Variants in STARD13 observed in about 807,000 individuals in gnomAD.
STARD13 encodes stAR-related lipid transfer protein 13.
A neutral mutation model predicts 106.4 loss-of-function variants in STARD13; 62 were observed. The observed-to-expected ratio is 0.58, with a 90% CI of 0.48 to 0.72. The LOEUF (loss-of-function observed/expected upper bound fraction) is 0.72, where lower values mean the gene tolerates loss of function less well. Ranked by LOEUF, STARD13 falls within the 30% of genes least tolerant of loss-of-function variation. STARD13 has a pLI of 0.00. For missense variants in STARD13, 1,387 were observed against 1,424.0 expected (o/e 0.97, Z 0.42); for synonymous variants, 565 against 553.0 (o/e 1.02, Z -0.31).
chr13:33,577,137 A>T, the STARD13 span, among the ~76,000 whole-genome samples: 1 of 152,210 alleles, frequency 6.6e-6, no homozygotes, highest in Non-Finnish European at 1.5e-5. Context: ...GCAGAAACTT[A>T]TTCTTGATTG....
chr13:33,358,243 C>T, the STARD13 span, among the ~76,000 whole-genome samples: 15 of 152,330 alleles, frequency 9.8e-5, no homozygotes, highest in African/African-American at 1.4e-4. Context: ...ACATGCAGCC[C>T]GCCATGCCTG....
At chr13:33,499,603 C>T in the STARD13 span, among the ~76,000 whole-genome samples, 80 of 47,144 alleles carry the variant, frequency 1.7e-3, no homozygotes, top group Middle Eastern at 0.019. Context: ...TCTTCTTCTT[C>T]TTTCTTCTTC....
intron 3 of STARD13, among the ~76,000 whole-genome samples, chr13:33,154,912 G>GA (rs1175967453): frequency 6.6e-6 from 1 of 152,070 alleles, no homozygotes; most frequent in African/African-American, 2.4e-5. Flanking sequence ...CACTCACACT[G>GA]AGGCTTCTTT....
At chr13:33,634,135 C>T in the STARD13 span, among the ~76,000 whole-genome samples, 2 of 152,150 alleles carry the variant, frequency 1.3e-5, no homozygotes, top group East Asian at 1.9e-4. Flanking sequence ...CCTCATTTTT[C>T]TCTTACCTCA....
At chr13:33,459,899 A>G in the STARD13 span, among the ~76,000 whole-genome samples, 1 of 152,218 alleles carries the variant, frequency 6.6e-6, no homozygotes, top group African/African-American at 2.4e-5. Flanking sequence ...ATTGTTTCCA[A>G]AGAAAAATGT....
the STARD13 span, among the ~76,000 whole-genome samples, chr13:33,621,854 G>A: frequency 6.6e-6 from 1 of 150,886 alleles, no homozygotes; most frequent in African/African-American, 2.4e-5. Context: ...ATCCAGGCTG[G>A]AGTGCAGGGG....
At chr13:33,458,663 T>C in the STARD13 span, among the ~76,000 whole-genome samples, 2,225 of 152,156 alleles carry the variant, frequency 0.015, 58 homozygotes, top group African/African-American at 0.048. Flanking sequence ...GCAATTCCTG[T>C]TGGGAAACAA....
intron 1 of STARD13, among the ~76,000 whole-genome samples, chr13:33,270,788 T>C (rs7331651): frequency 0.61 from 93,211 of 152,020 alleles, 29,159 homozygotes; most frequent in East Asian, 0.85. Flanking sequence ...ATGTAATCCA[T>C]GTGTCAGGTT....
intron 10 of STARD13, 119 bp from the exon 11 acceptor site, chr13:33,111,026 G>A: frequency 1.3e-6 from 1 of 798,170 alleles, no homozygotes; most frequent in Non-Finnish European, 2.0e-6. Flanking sequence ...GGGCCACACG[G>A]CCAGAGATGT....
the STARD13 span, among the ~76,000 whole-genome samples, chr13:33,581,478 A>G: frequency 1.3e-5 from 2 of 152,162 alleles, no homozygotes; most frequent in Non-Finnish European, 2.9e-5. Flanking sequence ...TTGTGCAGCA[A>G]CATTCATTTG....
intron 1 of STARD13, among the ~76,000 whole-genome samples, chr13:33,338,413 C>T (rs1302263256): frequency 1.3e-5 from 2 of 152,290 alleles, no homozygotes; most frequent in Non-Finnish European, 1.5e-5. Flanking sequence ...GATGAATTCT[C>T]ATTTGCATAG....
At chr13:33,285,879 C>A, upstream of STARD13, 1 of 783,940 alleles carries the variant, frequency 1.3e-6, no homozygotes, top group Non-Finnish European at 1.7e-6. Flanking sequence ...CCCTAAGCCC[C>A]GACCAGAGGC....
chr13:33,187,710 T>G (rs564818039), intron 1 of STARD13, among the ~76,000 whole-genome samples: 3 of 152,108 alleles, frequency 2.0e-5, no homozygotes, highest in Admixed American at 6.5e-5. Flanking sequence ...TGTGAGATGG[T>G]CTTGATCTGT....
chr13:33,473,928 G>A, the STARD13 span, among the ~76,000 whole-genome samples: 1 of 152,196 alleles, frequency 6.6e-6, no homozygotes, highest in Non-Finnish European at 1.5e-5. Flanking sequence ...TCAACCAACT[G>A]AGAGAGGAAA....
At chr13:33,260,529 G>A (rs182844414) in intron 1 of STARD13, among the ~76,000 whole-genome samples, 1 of 152,276 alleles carries the variant, frequency 6.6e-6, no homozygotes, top group African/African-American at 2.4e-5. Flanking sequence ...GTGAACAAAG[G>A]TTCAAAATTG....
chr13:33,238,936 G>GT (rs1889329975), intron 1 of STARD13, among the ~76,000 whole-genome samples: 1 of 151,996 alleles, frequency 6.6e-6, no homozygotes, highest in East Asian at 1.9e-4. Context: ...ACACATTAGT[G>GT]TTTTTTCTAT....
chr13:33,419,689 G>A, the STARD13 span, among the ~76,000 whole-genome samples: 1 of 152,220 alleles, frequency 6.6e-6, no homozygotes, highest in Non-Finnish European at 1.5e-5. Flanking sequence ...AGGAAAAAGT[G>A]TTAAAAGCAG....
At chr13:33,565,284 T>G in the STARD13 span, among the ~76,000 whole-genome samples, 1 of 147,118 alleles carries the variant, frequency 6.8e-6, no homozygotes, top group South Asian at 2.2e-4. Flanking sequence ...ATCAGTACAG[T>G]GACTACAGTT....
At chr13:33,125,944 A>C in intron 7 of STARD13, 137 bp downstream of exon 7, 1 of 879,820 alleles carries the variant, frequency 1.1e-6, no homozygotes, top group Admixed American at 2.5e-5. Flanking sequence ...ATTGCTACAT[A>C]AAGGTCACAA....
Sources: gnomAD v4.1 joint callset for allele counts (sites outside exome capture counted in the v4.1 genomes callset) on GRCh38, gnomAD v4.1.1 for gene constraint, MANE v1.5 for transcripts, NCBI Gene and HGNC (gene_info 2026-07-23, HGNC 2026-07-21) for gene names.